The following BCAS3 variants were observed in gnomAD, a reference collection of about 807,000 sequenced individuals.
The protein encoded by BCAS3 is BCAS4/BCAS3 fusion.
Under a neutral mutation model 116.1 loss-of-function variants are expected in BCAS3, and 53 were observed. The ratio of observed to expected loss-of-function variants is 0.46; its 90% CI spans 0.37 to 0.57. The LOEUF is 0.57. BCAS3 is among the 20% of genes least tolerant of loss of function. BCAS3 has a pLI of 0.00. For missense variants in BCAS3, 917 were observed against 1,165.4 expected (o/e 0.79, Z 3.10); for synonymous variants, 391 against 408.2 (o/e 0.96, Z 0.51).
chr17:61,182,083 C>T (rs372124266), intron 22 of BCAS3, among the ~76,000 whole-genome samples: 1 of 152,026 alleles, frequency 6.6e-6, no homozygotes, highest in African/African-American at 2.4e-5. Context: ...CTGTTTTGCC[C>T]TGTTGGTCTC....
Position 61,156,720 on chromosome 17 carries a change from A to G in BCAS3, c.2425+72156A>G, listed in dbSNP as rs899392360. 6.6e-6 allele frequency among the ~76,000 whole-genome samples: 1 copy of G among 152,212 alleles called. No individual in the cohort carries two copies. Among genetic ancestry groups the G allele is most frequent in the Non-Finnish European group, 1.5e-5 (1 of 68,040 alleles). On this transcript the variant is annotated intron_variant, in intron 22 of 23. Coordinates refer to ENST00000407086, the MANE Select transcript of BCAS3 (RefSeq NM_017679.5). This position sits in a 1 kb window ranked among gnomAD's most constrained non-coding sequence, Gnocchi z 4.7. ...GGAATCCTAATTGGCACATAACAAT[A>G]ATTGTTTCTATCCTGCTATAAACCA...
intron 7 of BCAS3, among the ~76,000 whole-genome samples, chr17:60,864,256 C>T (rs982894453): frequency 5.6e-4 from 85 of 152,256 alleles, no homozygotes; most frequent in African/African-American, 2.0e-3. Flanking sequence ...ATGGGAGTGT[C>T]ACTTAGCATG....
chr17:60,916,630 T>C (rs1489001794), intron 12 of BCAS3, among the ~76,000 whole-genome samples: 1 of 152,224 alleles, frequency 6.6e-6, no homozygotes, highest in African/African-American at 2.4e-5. Context: ...TGTAACATCA[T>C]CTGATGTGTG....
intron 21 of BCAS3, among the ~76,000 whole-genome samples, chr17:61,081,150 AC>A (rs1250119159): frequency 1.3e-5 from 2 of 152,210 alleles, no homozygotes; most frequent in Admixed American, 1.3e-4. Flanking sequence ...AAAATAAGTA[AC>A]CAATTTATTC....
At chr17:61,006,934 G>A (rs7223260) in intron 15 of BCAS3, among the ~76,000 whole-genome samples, 7,861 of 151,966 alleles carry the variant, frequency 0.052, 726 homozygotes, top group African/African-American at 0.18. Flanking sequence ...ATCCTAATAC[G>A]TAAAATGAAT....
chr17:60,886,798 C>T (rs1225360926), intron 9 of BCAS3, among the ~76,000 whole-genome samples: 24 of 148,840 alleles, frequency 1.6e-4, no homozygotes, highest in Non-Finnish European at 2.6e-4. Context: ...GGCAGTCTGC[C>T]GGTTCTCAGA....
At chr17:61,052,556 CT>C (rs1457069630) in intron 19 of BCAS3, among the ~76,000 whole-genome samples, 1 of 152,050 alleles carries the variant, frequency 6.6e-6, no homozygotes, top group African/African-American at 2.4e-5. Flanking sequence ...TAAAACAATA[CT>C]TTGGGAATTA....
chr17:60,846,411 C>A (rs553701710), intron 7 of BCAS3, among the ~76,000 whole-genome samples: 1 of 152,286 alleles, frequency 6.6e-6, no homozygotes, highest in East Asian at 1.9e-4. Context: ...TTGAAATAAT[C>A]TGTACTCTGC....
intron 7 of BCAS3, among the ~76,000 whole-genome samples, chr17:60,825,543 TA>T (rs1419805159): frequency 4.4e-5 from 6 of 136,188 alleles, no homozygotes; most frequent in African/African-American, 1.8e-4. Context: ...AATTTATAAA[TA>T]ATTATTTATA....
chr17:61,006,673 C>T (rs1173023876), intron 15 of BCAS3, among the ~76,000 whole-genome samples: 2 of 151,962 alleles, frequency 1.3e-5, no homozygotes, highest in African/African-American at 2.4e-5. Flanking sequence ...AGGGATTTTT[C>T]ATTAGGCTAA....
chr17:60,959,174 G>A (rs975718101), intron 14 of BCAS3, among the ~76,000 whole-genome samples: 2 of 152,022 alleles, frequency 1.3e-5, no homozygotes, highest in African/African-American at 4.8e-5. Flanking sequence ...AGGCCTGGTG[G>A]TGCATGTCTG....
At chr17:60,931,530 G>A (rs1032805253) in intron 13 of BCAS3, among the ~76,000 whole-genome samples, 1 of 152,076 alleles carries the variant, frequency 6.6e-6, no homozygotes, top group Non-Finnish European at 1.5e-5. Flanking sequence ...GCCCACCTTG[G>A]CTTCCCAAAG....
intron 7 of BCAS3, among the ~76,000 whole-genome samples, chr17:60,816,704 A>G (rs118154069): frequency 6.6e-4 from 100 of 152,358 alleles, no homozygotes; most frequent in Non-Finnish European, 1.2e-3. Context: ...GAGAATGTAC[A>G]TAAAACAGAA....
At position 61,129,927 on chromosome 17, in the gene BCAS3, T is replaced by C. The variant is rs548861638; in HGVS notation, c.2425+45363T>C. ...TTAATTACAGAATTTCAAAGAAAAATAAAATCCTTATCTGTACTTAACAAA... is the reference window on the plus strand; with the variant it reads ...TTAATTACAGAATTTCAAAGAAAAACAAAATCCTTATCTGTACTTAACAAA... On this transcript the variant is annotated intron_variant, in intron 22 of 23. Coordinates refer to ENST00000407086, the MANE Select transcript of BCAS3 (RefSeq NM_017679.5). 2.6e-5 allele frequency among the ~76,000 whole-genome samples: 4 copies of C among 152,264 alleles called. No homozygotes were observed. In the East Asian group the frequency reaches 5.8e-4, roughly 22 times the overall value.
chr17:61,313,239 A>G lies in BCAS3; in HGVS notation c.2426-55088A>G, dbSNP rs935932295. The stretch of plus-strand genomic sequence containing the variant: ...GGAAACTAAGGTTCAAAGAACCAAT[A>G]CTTTCTCAATGCCATATAACTGGTA... On this transcript the variant is annotated intron_variant, in intron 22 of 23. Coordinates refer to ENST00000407086, the MANE Select transcript of BCAS3 (RefSeq NM_017679.5). This position sits in a 1 kb window ranked among gnomAD's most constrained non-coding sequence, Gnocchi z 4.3. Among the ~76,000 whole-genome samples the G allele has an allele frequency of 1.3e-5, 2 of 152,198 alleles. No homozygotes were observed. The highest frequency in any genetic ancestry group is 4.8e-5 in the African/African-American group (2 of 41,458).
intron 22 of BCAS3, among the ~76,000 whole-genome samples, chr17:61,221,374 A>G (rs112811854): frequency 6.6e-6 from 1 of 152,146 alleles, no homozygotes; most frequent in Admixed American, 6.5e-5. Flanking sequence ...AAAATCTCCT[A>G]TCAGACACTT....
intron 14 of BCAS3, among the ~76,000 whole-genome samples, chr17:60,974,004 T>G (rs1288666788): frequency 6.6e-6 from 1 of 152,186 alleles, no homozygotes; most frequent in Non-Finnish European, 1.5e-5. Context: ...GAGTTATTAT[T>G]TAAGTATTCT....
At chr17:61,373,867 G>A (rs367878584) in intron 23 of BCAS3, among the ~76,000 whole-genome samples, 40 of 128,316 alleles carry the variant, frequency 3.1e-4, no homozygotes, top group African/African-American at 1.1e-3. Flanking sequence ...GTGCGATCTC[G>A]GCTCACTGCA....
In BCAS3 at chr17:61,077,998, C is replaced by G. The variant is rs1026720809; in HGVS notation, c.2131-335C>G. ...GAATGAAAAGGTAGACCCTACGGAGCTGACACTAGTTATATGAGGCAAGCA... is the reference window on the plus strand; with the variant it reads ...GAATGAAAAGGTAGACCCTACGGAGGTGACACTAGTTATATGAGGCAAGCA... On this transcript the variant is annotated intron_variant, in intron 20 of 23. Transcript: ENST00000407086. The surrounding 1 kb of genome is among the most constrained non-coding windows in gnomAD (Gnocchi z 4.3). 7.9e-5 allele frequency among the ~76,000 whole-genome samples: 12 copies of G among 152,150 alleles called. No individual in the cohort carries two copies. Among genetic ancestry groups the G allele is most frequent in the African/African-American group, 2.9e-4 (12 of 41,424 alleles).
Sources: gnomAD v4.1 joint callset for allele counts (sites outside exome capture counted in the v4.1 genomes callset) on GRCh38, gnomAD v4.1.1 for gene constraint, Gnocchi (gnomAD v3.1) non-coding constraint, MANE v1.5 for transcripts, NCBI Gene and HGNC (gene_info 2026-07-23, HGNC 2026-07-21) for gene names.